Variants in NMRK1 observed in about 807,000 individuals in gnomAD.
NMRK1 encodes nicotinamide riboside kinase 1.
In NMRK1, 28 loss-of-function variants were observed where a neutral mutation model predicts 29.9. The observed-to-expected ratio is 0.94, with a 90% CI of 0.69 to 1.28. NMRK1 has a LOEUF of 1.28. Among genes scored for constraint, NMRK1 ranks in the 50% most tolerant of loss-of-function variants. The pLI is 0.00. For missense variants in NMRK1, 218 were observed against 233.1 expected, an observed-to-expected ratio of 0.94 and a Z score of 0.42; for synonymous variants, 58 against 73.0, an observed-to-expected ratio of 0.79 and a Z score of 1.05.
At chr9:75,065,693 CCAAT>C (rs1244594862) in intron 8 of NMRK1, among the ~76,000 whole-genome samples, 1 of 152,094 alleles carries the variant, frequency 6.6e-6, no homozygotes, top group Admixed American at 6.5e-5. Context: ...GTAGGCCTGG[CCAAT>C]CAGAGTATGC....
At chr9:75,061,855 C>T (rs1043266163) in intron 8 of NMRK1, among the ~76,000 whole-genome samples, 3 of 152,140 alleles carry the variant, frequency 2.0e-5, no homozygotes, top group Non-Finnish European at 4.4e-5. Flanking sequence ...TAGAATAAAA[C>T]CACAAAGGGT....
At position 75,077,242 on chromosome 9, in the gene NMRK1, T is replaced by G. The variant is rs1229314444; in HGVS notation, c.121-35A>C. 2.9e-6 allele frequency: 4 copies of G among 1,389,354 alleles called. No individual in the cohort carries two copies. The East Asian group carries it at 9.1e-5, about 32-fold the overall frequency. 86.1% of individuals were successfully genotyped at this position (1,389,354 alleles called of 1,614,324 possible). A position where few individuals can be genotyped will look rare whatever the true frequency, so the allele number is the denominator to read the frequency against. ...TAATAAAGTACCCATCAAAACAGTG[T>G]GTAGGAAAGAAATAATACAATTATA... On this transcript the variant is annotated intron_variant, in intron 3 of 8. Transcript: ENST00000361092.
intron 1 of NMRK1, among the ~76,000 whole-genome samples, chr9:75,084,294 T>G (rs1824492185): frequency 1.3e-5 from 2 of 152,174 alleles, no homozygotes; most frequent in Admixed American, 1.3e-4. Context: ...AGCTGGAGGC[T>G]CCCAGCAATG....
Position 75,077,490 on chromosome 9 carries a change from C to T in NMRK1, c.120G>A (p.Lys40=). 6.3e-7 allele frequency: 1 copy of T among 1,589,430 alleles called. No individual in the cohort carries two copies. Among genetic ancestry groups the T allele is most frequent in the South Asian group, 1.1e-5 (1 of 90,030 alleles). Residue 40 remains lysine, a splice_region_variant and synonymous_variant, in exon 3 of 9, where the codon AAG becomes AAA. Transcript: ENST00000361092. ...ATAATTTAAGAAGTTTTATAGATAC[C>T]TTGAAGAAATCATCCTGAGATATGA... is the stretch of plus-strand genomic sequence containing the variant. ...CSVISQDDFF[K]PESEIETDKN...
rs189033805 is a variant in NMRK1, at chr9:75,077,158, C to T, written c.169+1G>A. The stretch of plus-strand genomic sequence containing the variant: ...AATATTTGACAAGTAAATCTACTTA[C>T]CATCGTACTGCAAAAATCCATTTTT... On this transcript the variant is annotated splice_donor_variant, in intron 4 of 8. Transcript: ENST00000361092. LOFTEE classifies it high-confidence loss of function. The T allele has an allele frequency of 5.1e-6, 8 of 1,557,062 alleles. No homozygotes were observed. In the Admixed American group the frequency reaches 8.7e-5, roughly 17 times the overall value.
Position 75,083,217 on chromosome 9 carries a change from A to T in NMRK1, c.-35-67T>A, listed in dbSNP as rs1326729649. ...TTTAGATGTCTAGGGAGATAAAAGA[A>T]TCCTAAATTAGGAGCACCAGCTGAG... On this transcript the variant is annotated intron_variant, in intron 1 of 8. Coordinates refer to ENST00000361092, the MANE Select transcript of NMRK1 (RefSeq NM_017881.3). 7.3e-6 allele frequency: 6 copies of T among 823,562 alleles called. No individual in the cohort carries two copies. In the East Asian group the frequency reaches 1.0e-4, roughly 14 times the overall value. The allele number at this position is 823,562 out of a possible 1,614,324, so 51.0% of individuals were successfully genotyped here.
rs1452274412 is a variant in NMRK1, at chr9:75,074,396, A to AT, written c.169+2762dup. On this transcript the variant is annotated intron_variant, in intron 4 of 8. Transcript: ENST00000361092. Reference sequence around the variant, plus strand: ...TTTTCCACCATCTTTTGATTTATTTATTTATTTTTTTGAGACAGTCTCACT... The same window carrying AT: ...TTTTCCACCATCTTTTGATTTATTTATTTTATTTTTTTGAGACAGTCTCACT... Among the ~76,000 whole-genome samples the AT allele has an allele frequency of 4.0e-3, 587 of 145,704 alleles. 1 individual carries two copies. Among genetic ancestry groups the AT allele is most frequent in the African/African-American group, 0.012 (465 of 39,114 alleles).
intron 4 of NMRK1, among the ~76,000 whole-genome samples, chr9:75,070,389 G>A (rs1823631666): frequency 6.6e-6 from 1 of 152,106 alleles, no homozygotes; most frequent in Non-Finnish European, 1.5e-5. Context: ...ATTTTTAGAA[G>A]ATGAAATATC....
intron 8 of NMRK1, among the ~76,000 whole-genome samples, chr9:75,065,720 C>T (rs1823300802): frequency 6.6e-6 from 1 of 152,170 alleles, no homozygotes; most frequent in African/African-American, 2.4e-5. Context: ...TCTCCCTGGC[C>T]ATAGTGATTG....
At chr9:75,080,927 T>A (rs1219875204) in intron 2 of NMRK1, among the ~76,000 whole-genome samples, 2 of 152,198 alleles carry the variant, frequency 1.3e-5, no homozygotes, top group African/African-American at 4.8e-5. Flanking sequence ...ATCACCACCA[T>A]GTTTCTTGTA....
intron 1 of NMRK1, among the ~76,000 whole-genome samples, chr9:75,083,952 T>A (rs1824469374): frequency 6.6e-6 from 1 of 152,242 alleles, no homozygotes; most frequent in South Asian, 2.1e-4. Context: ...ATCATTTCTC[T>A]TAATTGGATT....
At chr9:75,069,720 C>A in intron 6 of NMRK1, 22 bp downstream of exon 6, 9 of 1,596,538 alleles carry the variant, frequency 5.6e-6, no homozygotes, top group Non-Finnish European at 6.9e-6. Context: ...TTACAACTCA[C>A]AAAGATGGCT....
chr9:75,086,708 C>G (rs377345864), intron 1 of NMRK1, among the ~76,000 whole-genome samples: 26 of 152,178 alleles, frequency 1.7e-4, no homozygotes, highest in Admixed American at 5.2e-4. Flanking sequence ...TGAAAGACAG[C>G]TGACAAAGCT....
At chr9:75,085,321 G>A (rs965259038) in intron 1 of NMRK1, among the ~76,000 whole-genome samples, 1 of 152,142 alleles carries the variant, frequency 6.6e-6, no homozygotes, top group Non-Finnish European at 1.5e-5. Context: ...GACAGTAAGT[G>A]GAAAAGCCAG....
intron 1 of NMRK1, among the ~76,000 whole-genome samples, chr9:75,083,492 C>T (rs904177963): frequency 1.3e-5 from 2 of 152,208 alleles, no homozygotes; most frequent in African/African-American, 2.4e-5. Flanking sequence ...TCCACCTTCA[C>T]GATTCAGTCG....
chr9:75,083,946 T>C (rs1196765441), intron 1 of NMRK1, among the ~76,000 whole-genome samples: 1 of 152,216 alleles, frequency 6.6e-6, no homozygotes, highest in East Asian at 1.9e-4. Flanking sequence ...TGGGCTATCA[T>C]TTCTCTTAAT....
At chr9:75,079,314 C>T (rs1317753737) in intron 2 of NMRK1, among the ~76,000 whole-genome samples, 1 of 152,154 alleles carries the variant, frequency 6.6e-6, no homozygotes, top group African/African-American at 2.4e-5. Flanking sequence ...TATGACTTTT[C>T]CCCTTCTTTA....
At chr9:75,085,400 TA>T (rs923780966) in intron 1 of NMRK1, among the ~76,000 whole-genome samples, 2 of 152,238 alleles carry the variant, frequency 1.3e-5, no homozygotes, top group Non-Finnish European at 2.9e-5. Flanking sequence ...ACTTTATTAC[TA>T]ACAGCAAAGA....
chr9:75,063,305 CAAAA>C (rs35418961), intron 8 of NMRK1, among the ~76,000 whole-genome samples: 2 of 119,614 alleles, frequency 1.7e-5, no homozygotes, highest in Non-Finnish European at 3.5e-5. Context: ...GACTCCATCT[CAAAA>C]AAAAAAAAAA....
Sources: allele counts gnomAD v4.1 joint callset (sites outside exome capture counted in the v4.1 genomes callset), GRCh38; gene constraint gnomAD v4.1.1; transcripts MANE v1.5; gene names NCBI Gene and HGNC (gene_info 2026-07-23, HGNC 2026-07-21).